Variants in SRRM4 observed in about 807,000 individuals in gnomAD.
SRRM4 encodes the protein serine/arginine repetitive matrix 4, also known as serine/arginine repetitive matrix protein 4.
A neutral mutation model predicts 68.9 loss-of-function variants in SRRM4; 33 were observed. That is an observed-to-expected ratio of 0.48 (90% confidence interval 0.36 to 0.64). The LOEUF is 0.64. SRRM4 is among the 30% of genes least tolerant of loss of function. The pLI, the probability that SRRM4 is intolerant of heterozygous loss-of-function variation, is 0.00. For missense variants in SRRM4, 817 were observed against 827.1 expected, an observed-to-expected ratio of 0.99 and a Z score of 0.15; for synonymous variants, 318 against 318.8, an observed-to-expected ratio of 1.00 and a Z score of 0.03.
chr12:119,123,792 G>A (rs1222375552), intron 6 of SRRM4, among the ~76,000 whole-genome samples: 2 of 152,214 alleles, frequency 1.3e-5, no homozygotes. Flanking sequence ...CCTTAATGAG[G>A]CCCTACTATG....
At chr12:118,988,843 G>A (rs757321337) in intron 1 of SRRM4, among the ~76,000 whole-genome samples, 1 of 152,188 alleles carries the variant, frequency 6.6e-6, no homozygotes, top group African/African-American at 2.4e-5. Context: ...GGAATAGAGG[G>A]TGAGGGAATG....
At chr12:118,982,126 C>T (rs1477944165) in intron 1 of SRRM4, 113 bp downstream of exon 1, 3 of 1,323,062 alleles carry the variant, frequency 2.3e-6, no homozygotes, top group Middle Eastern at 2.1e-4. Context: ...TGTCTTTTCC[C>T]GTCACTACTC....
intron 5 of SRRM4, among the ~76,000 whole-genome samples, chr12:119,121,145 T>A (rs1454725802): frequency 1.3e-5 from 2 of 152,088 alleles, no homozygotes; most frequent in Admixed American, 1.3e-4. Context: ...GGATCTTGGG[T>A]CCAGTTGAAT....
chr12:118,981,762 A>T lies in SRRM4; in HGVS notation c.-121A>T. The stretch of plus-strand genomic sequence containing the variant: ...CCCGCCCTGAACTCCGATCTCTCCC[A>T]CCCCACCCCTCTCTGGGTTTCACCC... On this transcript the variant is annotated 5_prime_UTR_variant, in exon 1 of 13. Transcript: ENST00000267260. 2 of 938,078 alleles carry T rather than the reference A, an allele frequency of 2.1e-6. No individual in the cohort carries two copies. The highest frequency in any genetic ancestry group is 6.4e-5 in the Admixed American group (2 of 31,146). 58.1% of individuals were successfully genotyped at this position (938,078 alleles called of 1,614,324 possible).
chr12:119,072,971 A>G (rs1486231720), intron 1 of SRRM4, among the ~76,000 whole-genome samples: 2 of 152,210 alleles, frequency 1.3e-5, no homozygotes, highest in Admixed American at 1.3e-4. Context: ...GCTCACAATC[A>G]TCATTGCCTC....
chr12:119,077,854 A>T (rs1953925657), intron 1 of SRRM4, among the ~76,000 whole-genome samples: 1 of 152,094 alleles, frequency 6.6e-6, no homozygotes, highest in African/African-American at 2.4e-5. Flanking sequence ...AGACAATAAG[A>T]GTGATTTTAG....
chr12:119,156,901 T>G lies in SRRM4; in HGVS notation c.*103T>G. ...TGGTGACAAATAGTGAGGGCTCCTA[T>G]ACCTTGTCCTTCCTGCTTGCCTAGG... On this transcript the variant is annotated 3_prime_UTR_variant, in exon 13 of 13. Transcript: ENST00000267260. The G allele has an allele frequency of 7.5e-7, 1 of 1,339,124 alleles. No homozygotes were observed. The highest frequency in any genetic ancestry group is 9.9e-7 in the Non-Finnish European group (1 of 1,010,824). The allele number at this position is 1,339,124 out of a possible 1,614,324, so 83.0% of individuals were successfully genotyped here.
Position 118,991,208 on chromosome 12 carries a change from C to T in SRRM4, c.131+9195C>T, listed in dbSNP as rs77060809. Among the ~76,000 whole-genome samples, 1,356 of 152,274 alleles carry T rather than the reference C, an allele frequency of 8.9e-3. 30 individuals are homozygous for T. In the East Asian group the frequency reaches 0.1, roughly 12 times the overall value. On this transcript the variant is annotated intron_variant, in intron 1 of 12. Coordinates refer to ENST00000267260, the MANE Select transcript of SRRM4 (RefSeq NM_194286.4). ...CCTGAGACCATTTCTAAAACACCAC[C>T]TCTCACTTCCTCTGTTTAGTTGCAT...
chr12:119,099,623 G>C (rs1954066574), intron 1 of SRRM4, among the ~76,000 whole-genome samples: 1 of 152,188 alleles, frequency 6.6e-6, no homozygotes, highest in South Asian at 2.1e-4. Context: ...CAGGAATTTG[G>C]CTGAGTGGTT....
At chr12:119,151,784 T>C (rs1299483473) in intron 10 of SRRM4, among the ~76,000 whole-genome samples, 1 of 152,196 alleles carries the variant, frequency 6.6e-6, no homozygotes, top group African/African-American at 2.4e-5. Context: ...AGCAGGCCTG[T>C]CTTGGTTTGT....
intron 8 of SRRM4, among the ~76,000 whole-genome samples, chr12:119,138,523 C>T (rs894763689): frequency 1.3e-5 from 2 of 152,150 alleles, no homozygotes; most frequent in Non-Finnish European, 2.9e-5. Context: ...TGATGGGGAA[C>T]TGGTGTATAA....
At chr12:119,052,892 G>A (rs7953598) in intron 1 of SRRM4, among the ~76,000 whole-genome samples, 29 of 152,192 alleles carry the variant, frequency 1.9e-4, no homozygotes, top group South Asian at 6.2e-4. Context: ...AAGGTCCTTC[G>A]GTAATAAATA....
chr12:119,091,945 C>T (rs1954016820), intron 1 of SRRM4, among the ~76,000 whole-genome samples: 1 of 152,234 alleles, frequency 6.6e-6, no homozygotes, highest in Non-Finnish European at 1.5e-5. Flanking sequence ...TTTGGATCAT[C>T]TTGAAACAAC....
intron 1 of SRRM4, among the ~76,000 whole-genome samples, chr12:119,059,570 G>A (rs940549308): frequency 1.3e-5 from 2 of 152,134 alleles, no homozygotes; most frequent in Non-Finnish European, 1.5e-5. Flanking sequence ...GCCCACATTA[G>A]GGAAATGTCT....
chr12:119,153,449 C>A, intron 10 of SRRM4, 90 bp from the exon 11 acceptor site: 1 of 845,540 alleles, frequency 1.2e-6, no homozygotes, highest in Non-Finnish European at 1.9e-6. Context: ...AGGTCACTGC[C>A]CAGGGACCCG....
Position 119,028,432 on chromosome 12 carries a change from A to G in SRRM4, c.131+46419A>G, listed in dbSNP as rs139673829. 2.9e-3 allele frequency among the ~76,000 whole-genome samples: 441 copies of G among 152,176 alleles called. 5 individuals are homozygous for G. The highest frequency in any genetic ancestry group is 0.01 in the African/African-American group (418 of 41,502). On this transcript the variant is annotated intron_variant, in intron 1 of 12. Transcript: ENST00000267260. ...TAGTGAATAAGCCTCACAAGATCTG[A>G]TGGTTTTATAAAGGGCAGTTCCCCT... is the stretch of plus-strand genomic sequence containing the variant.
intron 1 of SRRM4, among the ~76,000 whole-genome samples, chr12:119,051,833 T>G (rs1404794286): frequency 6.6e-6 from 1 of 152,234 alleles, no homozygotes; most frequent in Non-Finnish European, 1.5e-5. Flanking sequence ...GAGCACATTT[T>G]GGTGAATGCT....
intron 1 of SRRM4, among the ~76,000 whole-genome samples, chr12:119,044,958 T>G (rs986693870): frequency 2.6e-5 from 4 of 152,216 alleles, no homozygotes; most frequent in Non-Finnish European, 5.9e-5. Flanking sequence ...TTAATTACTT[T>G]GCTGTGCCTC....
chr12:119,156,499 C>T lies in SRRM4; in HGVS notation c.1537C>T (p.Arg513Trp). 1 of 1,602,180 alleles carries T rather than the reference C, an allele frequency of 6.2e-7. No homozygotes were observed. Among genetic ancestry groups the T allele is most frequent in the Non-Finnish European group, 8.5e-7 (1 of 1,174,252 alleles). Residue 513 changes from arginine to tryptophan, a missense_variant, in exon 13 of 13, where the codon CGG (arginine) becomes TGG (tryptophan). By Grantham distance (101) the Arg-to-Trp change is moderately radical (BLOSUM62 -3). Coordinates refer to ENST00000267260, the MANE Select transcript of SRRM4 (RefSeq NM_194286.4). ...TCCTCTCTCTGGTCTCTGCAGTGCCCGGAAACGCCCCATCCCCTACTATCG... is the reference window on the plus strand; with the variant it reads ...TCCTCTCTCTGGTCTCTGCAGTGCCTGGAAACGCCCCATCCCCTACTATCG... ...HLEARRITSA[R>W]KRPIPYYRPS...
Sources: gnomAD v4.1 joint callset for allele counts (sites outside exome capture counted in the v4.1 genomes callset) on GRCh38, gnomAD v4.1.1 for gene constraint, MANE v1.5 for transcripts, NCBI Gene and HGNC (gene_info 2026-07-23, HGNC 2026-07-21) for gene names.